The following RIMS1 variants were observed in gnomAD, a reference collection of about 807,000 sequenced individuals.
The protein encoded by RIMS1 is regulating synaptic membrane exocytosis protein 1.
In RIMS1, 83 loss-of-function variants were observed where a neutral mutation model predicts 214.1. That is an observed-to-expected ratio of 0.39 (90% confidence interval 0.32 to 0.47). The LOEUF (loss-of-function observed/expected upper bound fraction) is 0.47. Among genes scored for constraint, RIMS1 ranks in the 20% least tolerant of loss-of-function variants. The probability of loss-of-function intolerance (pLI) is 0.99; values close to 1 mark genes in which losing one functional copy is unlikely to be tolerated. For synonymous variants in RIMS1, 793 were observed against 786.8 expected (o/e 1.01, Z -0.13); for missense variants, 2,050 against 2,161.8 (o/e 0.95, Z 1.03).
intron 29 of RIMS1, 40 bp downstream of exon 29, chr6:72,333,875 T>C (rs766917715): frequency 1.1e-5 from 15 of 1,407,724 alleles, no homozygotes; most frequent in East Asian, 2.5e-5. Context: ...TCAATTCTTT[T>C]ATGGAGAGAA....
intron 2 of RIMS1, among the ~76,000 whole-genome samples, chr6:72,010,830 G>A (rs1810225962): frequency 6.6e-6 from 1 of 151,916 alleles, no homozygotes; most frequent in Non-Finnish European, 1.5e-5. Flanking sequence ...AATAAAAGAG[G>A]ATACAAACAA....
chr6:72,281,189 C>T (rs2089946278), intron 23 of RIMS1, among the ~76,000 whole-genome samples: 1 of 152,038 alleles, frequency 6.6e-6, no homozygotes, highest in Admixed American at 6.6e-5. Flanking sequence ...TAAGCGAGAA[C>T]AAAGTGTTCT....
chr6:72,339,965 A>T (rs1009943051), intron 29 of RIMS1, among the ~76,000 whole-genome samples: 20 of 152,180 alleles, frequency 1.3e-4, no homozygotes, highest in African/African-American at 4.8e-4. Context: ...TGACTTTTTA[A>T]TGATCACCAT....
At chr6:71,932,547 T>C (rs1783362095) in intron 1 of RIMS1, among the ~76,000 whole-genome samples, 1 of 152,032 alleles carries the variant, frequency 6.6e-6, no homozygotes, top group African/African-American at 2.4e-5. Context: ...ATCCGGGTGA[T>C]GAAATAATCT....
intron 4 of RIMS1, among the ~76,000 whole-genome samples, chr6:72,142,454 A>G (rs1182345176): frequency 1.3e-5 from 2 of 152,060 alleles, no homozygotes; most frequent in Non-Finnish European, 2.9e-5. Flanking sequence ...CTTGTCTATG[A>G]TATGACCTCT....
At chr6:71,933,119 G>A (rs1783533790) in intron 1 of RIMS1, among the ~76,000 whole-genome samples, 1 of 152,130 alleles carries the variant, frequency 6.6e-6, no homozygotes, top group South Asian at 2.1e-4. Flanking sequence ...GGAGAGTGGG[G>A]AGTAAGGTGG....
chr6:72,271,922 G>A (rs1270747874), intron 22 of RIMS1, among the ~76,000 whole-genome samples: 2 of 152,116 alleles, frequency 1.3e-5, no homozygotes, highest in Non-Finnish European at 2.9e-5. Flanking sequence ...ATTCAATCCT[G>A]TAGCCTCCAG....
intron 1 of RIMS1, among the ~76,000 whole-genome samples, chr6:71,924,044 C>T (rs1199267655): frequency 6.6e-6 from 1 of 152,022 alleles, no homozygotes; most frequent in Non-Finnish European, 1.5e-5. Flanking sequence ...TTCTTTTTGC[C>T]CTCACTTTCT....
chr6:72,059,015 A>T (rs1468691304), intron 2 of RIMS1, among the ~76,000 whole-genome samples: 1 of 152,218 alleles, frequency 6.6e-6, no homozygotes, highest in Non-Finnish European at 1.5e-5. Flanking sequence ...ACATATTAAT[A>T]GTGATAGTAA....
chr6:72,400,802 G>T lies in RIMS1; in HGVS notation c.*88G>T. 1 of 1,077,412 alleles carries T rather than the reference G, an allele frequency of 9.3e-7. No homozygotes were observed. The highest frequency in any genetic ancestry group is 1.4e-6 in the Non-Finnish European group (1 of 736,396). 66.7% of individuals were successfully genotyped at this position (1,077,412 alleles called of 1,614,324 possible). A position where few individuals can be genotyped will look rare whatever the true frequency, so the allele number is the denominator to read the frequency against. Reference sequence around the variant, plus strand: ...TATTTCATGATCGAAAGCATTGTTGGAGACAGACAATCAACTTGTGTTTTG... The same window carrying T: ...TATTTCATGATCGAAAGCATTGTTGTAGACAGACAATCAACTTGTGTTTTG... On this transcript the variant is annotated 3_prime_UTR_variant, in exon 34 of 34. Transcript: ENST00000521978.
chr6:72,274,835 G>A (rs543272738), intron 23 of RIMS1, among the ~76,000 whole-genome samples: 1 of 151,984 alleles, frequency 6.6e-6, no homozygotes, highest in South Asian at 2.1e-4. Context: ...GTCTTGTTTT[G>A]CTGCTGTGTA....
At chr6:71,905,058 C>A (rs1562162289) in intron 1 of RIMS1, among the ~76,000 whole-genome samples, 1 of 152,094 alleles carries the variant, frequency 6.6e-6, no homozygotes. Context: ...AGTTATAGGG[C>A]AACTATGGCA....
intron 1 of RIMS1, among the ~76,000 whole-genome samples, chr6:71,941,766 G>A (rs552687032): frequency 2.2e-4 from 34 of 152,166 alleles, no homozygotes; most frequent in African/African-American, 7.2e-4. Context: ...CTTGGTTTTC[G>A]TGGGACATTA....
Position 72,047,174 on chromosome 6 carries a change from C to T in RIMS1, c.246-49775C>T, listed in dbSNP as rs547493072. 1.5e-4 allele frequency among the ~76,000 whole-genome samples: 23 copies of T among 152,232 alleles called. No homozygotes were observed. The South Asian group carries it at 1.9e-3, about 12-fold the overall frequency. ...AGCTCCTCATTGCTTTTTTGTGACCCTCCAACTTGCAGATTGATTTTCTAT... is the reference window on the plus strand; with the variant it reads ...AGCTCCTCATTGCTTTTTTGTGACCTTCCAACTTGCAGATTGATTTTCTAT... On this transcript the variant is annotated intron_variant, in intron 2 of 33. Coordinates refer to ENST00000521978, the MANE Select transcript of RIMS1 (RefSeq NM_014989.7).
intron 2 of RIMS1, among the ~76,000 whole-genome samples, chr6:72,058,083 G>A (rs978078065): frequency 5.9e-5 from 9 of 152,206 alleles, no homozygotes; most frequent in African/African-American, 1.9e-4. Context: ...TTCACCTGAA[G>A]GTGGATATAA....
rs1238573977 is a variant in RIMS1 at position 72,183,127 on chromosome 6, G to A, written c.1656G>A (p.Glu552=). The A allele has an allele frequency of 3.1e-6, 5 of 1,591,736 alleles. No individual in the cohort carries two copies. Among genetic ancestry groups the A allele is most frequent in the East Asian group, 2.3e-5 (1 of 43,914 alleles). ...EYTSCEDVEL[E]SESVSEKGDL... ...CCAGCTGCGAGGACGTGGAGCTGGA[G>A]AGCGAGAGCGTCAGCGAGAAAGGTA... Residue 552 remains glutamate, a synonymous_variant, in exon 6 of 34, where the codon GAG becomes GAA. Coordinates refer to ENST00000521978, the MANE Select transcript of RIMS1 (RefSeq NM_014989.7).
intron 1 of RIMS1, among the ~76,000 whole-genome samples, chr6:71,943,932 CA>C (rs1240203016): frequency 1.3e-5 from 2 of 152,116 alleles, no homozygotes; most frequent in African/African-American, 2.4e-5. Context: ...TAATATTATT[CA>C]ACAGATACAA....
At chr6:72,105,670 C>A (rs972545973) in intron 4 of RIMS1, among the ~76,000 whole-genome samples, 1 of 152,082 alleles carries the variant, frequency 6.6e-6, no homozygotes, top group Admixed American at 6.6e-5. Flanking sequence ...AAATGTGTAT[C>A]TATATGCATA....
At chr6:72,092,809 A>G (rs1836658696) in intron 2 of RIMS1, among the ~76,000 whole-genome samples, 1 of 152,118 alleles carries the variant, frequency 6.6e-6, no homozygotes, top group Admixed American at 6.5e-5. Flanking sequence ...GACCTACTCC[A>G]AGATCCCCCA....
Sources: gnomAD v4.1 joint callset for allele counts (sites outside exome capture counted in the v4.1 genomes callset) on GRCh38, gnomAD v4.1.1 for gene constraint, MANE v1.5 for transcripts, NCBI Gene and HGNC (gene_info 2026-07-23, HGNC 2026-07-21) for gene names.